Variants in KHDRBS2 observed in about 807,000 individuals in gnomAD.
The protein encoded by KHDRBS2 is KH domain-containing, RNA-binding, signal transduction-associated protein 2.
A neutral mutation model predicts 44.3 loss-of-function variants in KHDRBS2; 26 were observed. The ratio of observed to expected loss-of-function variants is 0.59; its 90% confidence interval spans 0.43 to 0.81. KHDRBS2 has a LOEUF of 0.81. Ranked by LOEUF, KHDRBS2 falls within the 40% of genes least tolerant of loss-of-function variation. The probability of loss-of-function intolerance (pLI) is 0.00; values close to 1 mark genes in which losing one functional copy is unlikely to be tolerated. For synonymous variants in KHDRBS2, 194 were observed against 151.1 expected (o/e 1.28, Z -2.08); for missense variants, 476 against 433.1 (o/e 1.10, Z -0.88).
chr6:62,074,041 G>A (rs888739072), intron 2 of KHDRBS2, among the ~76,000 whole-genome samples: 3 of 151,722 alleles, frequency 2.0e-5, no homozygotes, highest in Admixed American at 6.6e-5. Flanking sequence ...AGTTGATAAG[G>A]CTGTGAAGAT....
chr6:61,836,951 G>A (rs1397467809), intron 6 of KHDRBS2, among the ~76,000 whole-genome samples: 1 of 151,896 alleles, frequency 6.6e-6, no homozygotes, highest in Non-Finnish European at 1.5e-5. Flanking sequence ...AAATAAATTG[G>A]TGGAAATATG....
intron 2 of KHDRBS2, among the ~76,000 whole-genome samples, chr6:62,142,157 T>C (rs1353408579): frequency 6.6e-6 from 1 of 152,100 alleles, no homozygotes; most frequent in Non-Finnish European, 1.5e-5. Flanking sequence ...GGGGTTGATC[T>C]GCCAAGATAC....
the KHDRBS2 span, among the ~76,000 whole-genome samples, chr6:61,597,835 G>A: frequency 1.6e-5 from 2 of 123,998 alleles, no homozygotes; most frequent in Non-Finnish European, 3.4e-5. Flanking sequence ...TTTAAGAAGG[G>A]GTTTCAGTTG....
At chr6:61,995,902 CT>C (rs2127253897) in intron 3 of KHDRBS2, among the ~76,000 whole-genome samples, 1 of 152,268 alleles carries the variant, frequency 6.6e-6, no homozygotes, top group South Asian at 2.1e-4. Flanking sequence ...TTACAAGGAT[CT>C]TTATCAGTTA....
chr6:61,575,077 C>T, the KHDRBS2 span, among the ~76,000 whole-genome samples: 7 of 152,214 alleles, frequency 4.6e-5, no homozygotes, highest in South Asian at 2.1e-4. Flanking sequence ...ACCAAGAACC[C>T]AAAAGCAAAT....
chr6:61,612,930 G>T, the KHDRBS2 span, among the ~76,000 whole-genome samples: 2 of 136,860 alleles, frequency 1.5e-5, no homozygotes, highest in South Asian at 5.0e-4. Flanking sequence ...TCGGCTGACG[G>T]CAAGCTCCGC....
At chr6:62,043,975 A>C (rs147848799) in intron 3 of KHDRBS2, among the ~76,000 whole-genome samples, 1 of 152,216 alleles carries the variant, frequency 6.6e-6, no homozygotes, top group Non-Finnish European at 1.5e-5. Context: ...AATATGTTTA[A>C]TTAAGTATCA....
intron 2 of KHDRBS2, among the ~76,000 whole-genome samples, chr6:62,125,302 T>C (rs928528470): frequency 2.6e-5 from 4 of 152,200 alleles, no homozygotes; most frequent in African/African-American, 4.8e-5. Flanking sequence ...TGGGAGGATT[T>C]AGACCTACCC....
At chr6:62,063,995 C>CA (rs1347357170) in intron 2 of KHDRBS2, among the ~76,000 whole-genome samples, 1 of 148,834 alleles carries the variant, frequency 6.7e-6, no homozygotes, top group East Asian at 2.0e-4. Context: ...AACAGACAAA[C>CA]AGAGACCCAA....
the KHDRBS2 span, among the ~76,000 whole-genome samples, chr6:61,569,972 G>T: frequency 1.3e-5 from 2 of 152,042 alleles, no homozygotes; most frequent in Non-Finnish European, 2.9e-5. Context: ...CTACCCAAAT[G>T]ATAAGGAACT....
At chr6:62,257,997 T>C (rs1407230384) in intron 1 of KHDRBS2, among the ~76,000 whole-genome samples, 3 of 152,034 alleles carry the variant, frequency 2.0e-5, no homozygotes, top group Admixed American at 6.6e-5. Flanking sequence ...AAATCTGAAA[T>C]GCTCCAGAAT....
intron 3 of KHDRBS2, among the ~76,000 whole-genome samples, chr6:62,019,721 T>C (rs1165799958): frequency 1.3e-5 from 2 of 152,054 alleles, no homozygotes; most frequent in African/African-American, 4.8e-5. Flanking sequence ...GGTACTGACA[T>C]AAAGCTGCTC....
At chr6:61,715,793 GT>G (rs58705451) in intron 7 of KHDRBS2, among the ~76,000 whole-genome samples, 65,330 of 147,374 alleles carry the variant, frequency 0.44, 15,984 homozygotes, top group African/African-American at 0.69. Context: ...TGTATACTGA[GT>G]TTTTTTTTTT....
intron 8 of KHDRBS2, among the ~76,000 whole-genome samples, chr6:61,691,651 T>C (rs1767397962): frequency 6.6e-6 from 1 of 152,100 alleles, no homozygotes; most frequent in Non-Finnish European, 1.5e-5. Flanking sequence ...AAGTCAATTT[T>C]CCCAAATTTA....
In KHDRBS2 at chr6:62,167,841, C is replaced by A. The variant is rs192933538; in HGVS notation, c.219+9344G>T. On this transcript the variant is annotated intron_variant, in intron 2 of 8. Transcript: ENST00000281156. ...TAAGTGGCTATATTTGGCTTTGAGT[C>A]GTAGTTTCCATAGGAGTCGTAGTTT... Among the ~76,000 whole-genome samples the A allele has an allele frequency of 3.3e-5, 5 of 152,168 alleles. No individual in the cohort carries two copies. The South Asian group carries it at 1.0e-3, about 32-fold the overall frequency.
At chr6:61,773,567 C>T (rs916419798) in intron 6 of KHDRBS2, among the ~76,000 whole-genome samples, 15 of 149,076 alleles carry the variant, frequency 1.0e-4, no homozygotes, top group Admixed American at 3.3e-4. Context: ...GAGTAGGTTG[C>T]AAAAATTTTC....
At chr6:61,736,212 T>TCACACACACACACACACA (rs376298733) in intron 6 of KHDRBS2, among the ~76,000 whole-genome samples, 24 of 135,644 alleles carry the variant, frequency 1.8e-4, no homozygotes, top group South Asian at 2.6e-4. Context: ...TTACTTTACT[T>TCACACACACACACACACA]CACACACACA....
At chr6:61,714,476 T>C (rs1422988839) in intron 7 of KHDRBS2, among the ~76,000 whole-genome samples, 10 of 151,942 alleles carry the variant, frequency 6.6e-5, no homozygotes, top group African/African-American at 2.4e-4. Context: ...TGGAAACTAG[T>C]ATGTAGATTT....
chr6:61,741,486 T>C (rs1562071808), intron 6 of KHDRBS2, among the ~76,000 whole-genome samples: 1 of 151,990 alleles, frequency 6.6e-6, no homozygotes, highest in Non-Finnish European at 1.5e-5. Flanking sequence ...TCAACTTTTA[T>C]TCTAGATTAA....
Sources: gnomAD v4.1 joint callset for allele counts (sites outside exome capture counted in the v4.1 genomes callset) on GRCh38, gnomAD v4.1.1 for gene constraint, MANE v1.5 for transcripts, NCBI Gene and HGNC (gene_info 2026-07-23, HGNC 2026-07-21) for gene names.